Variants in GALNT10 observed in about 807,000 individuals in gnomAD.
GALNT10 encodes the protein polypeptide N-acetylgalactosaminyltransferase 10.
Under a neutral mutation model 75.0 loss-of-function variants are expected in GALNT10, and 41 were observed. That is an observed-to-expected ratio of 0.55 (90% CI 0.43 to 0.71). The LOEUF (loss-of-function observed/expected upper bound fraction) is 0.71, where lower values mean the gene tolerates loss of function less well. GALNT10 is among the 30% of genes least tolerant of loss of function. The pLI, the probability that GALNT10 is intolerant of heterozygous loss-of-function variation, is 0.00. For synonymous variants in GALNT10, 302 were observed against 313.0 expected, an observed-to-expected ratio of 0.96 and a Z score of 0.37; for missense variants, 727 against 818.5, an observed-to-expected ratio of 0.89 and a Z score of 1.36.
chr5:154,301,670 A>C (rs1754361752), intron 3 of GALNT10, among the ~76,000 whole-genome samples: 1 of 151,918 alleles, frequency 6.6e-6, no homozygotes, highest in Non-Finnish European at 1.5e-5. Flanking sequence ...CTGAGATTAC[A>C]GGCAAAACCT....
Position 154,376,454 on chromosome 5 carries a change from C to A in GALNT10, c.746C>A (p.Pro249His), listed in dbSNP as rs1297853224. ...HCEANVNWLP[P>H]LLDRIARNRK... ...GAAGCCAATGTCAACTGGCTTCCCCCCTTGCTTGGTAAGGGAGCCCCTCCC... is the reference window on the plus strand; with the variant it reads ...GAAGCCAATGTCAACTGGCTTCCCCACTTGCTTGGTAAGGGAGCCCCTCCC... Residue 249 changes from proline (P) to histidine (H), a missense_variant, in exon 5 of 12, where the codon CCC becomes CAC. Physicochemically the swap from Pro to His is moderately conservative, Grantham distance 77. Transcript: ENST00000297107. The surrounding 1 kb of genome is among the most constrained non-coding windows in gnomAD (Gnocchi z 4.1). The A allele has an allele frequency of 5.1e-6, 8 of 1,572,690 alleles. No individual in the cohort carries two copies. Among genetic ancestry groups the A allele is most frequent in the African/African-American group, 1.4e-5 (1 of 72,234 alleles).
chr5:154,317,418 T>C (rs913049309), intron 3 of GALNT10, among the ~76,000 whole-genome samples: 1 of 152,250 alleles, frequency 6.6e-6, no homozygotes, highest in African/African-American at 2.4e-5. Flanking sequence ...TATATGTCTC[T>C]GTGTCCCAAG....
In GALNT10 at chr5:154,292,941, G is replaced by C. The variant is rs974472842; in HGVS notation, c.160-1875G>C. Among the ~76,000 whole-genome samples, 6 of 152,076 alleles carry C rather than the reference G, an allele frequency of 3.9e-5. No homozygotes were observed. In the East Asian group the frequency reaches 9.6e-4, roughly 24 times the overall value. On this transcript the variant is annotated intron_variant, in intron 1 of 11. Transcript: ENST00000297107. ...CTTCTGTGATTTCTAAGAATGCTGAGAACTGTTGAAAGCATGCCGCCTTAG... is the reference window on the plus strand; with the variant it reads ...CTTCTGTGATTTCTAAGAATGCTGACAACTGTTGAAAGCATGCCGCCTTAG...
intron 4 of GALNT10, among the ~76,000 whole-genome samples, chr5:154,332,308 C>T (rs952488874): frequency 6.6e-6 from 1 of 152,174 alleles, no homozygotes; most frequent in Non-Finnish European, 1.5e-5. Flanking sequence ...TTCTCAGGGC[C>T]ACAGCAGTGG....
chr5:154,218,174 C>T (rs926646547), intron 1 of GALNT10: 34 of 977,948 alleles, frequency 3.5e-5, no homozygotes, highest in Admixed American at 1.2e-4. Flanking sequence ...TTCTAACAAG[C>T]CTGGGGCACC....
intron 1 of GALNT10, among the ~76,000 whole-genome samples, chr5:154,247,235 A>G (rs1408302174): frequency 6.6e-6 from 1 of 152,214 alleles, no homozygotes; most frequent in African/African-American, 2.4e-5. Context: ...GTTTGAAGTC[A>G]GGTAGCATGA....
intron 1 of GALNT10, among the ~76,000 whole-genome samples, chr5:154,204,437 G>A (rs970678703): frequency 6.6e-6 from 1 of 152,124 alleles, no homozygotes; most frequent in Non-Finnish European, 1.5e-5. Context: ...CATTTGCAAG[G>A]GTAAATCAGA....
In GALNT10 at chr5:154,192,493, TC is replaced by T. The variant is rs1038634147; in HGVS notation, c.159+1470del. On this transcript the variant is annotated intron_variant, in intron 1 of 11. Transcript: ENST00000297107. ...CAGTACCAGCATCAGAGTCAGGAGT[TC>T]CAGGGTTCTGACCTCAGCTCTACCA... Among the ~76,000 whole-genome samples, 22 of 152,372 alleles carry T rather than the reference TC, an allele frequency of 1.4e-4. 1 individual carries two copies. The East Asian group carries it at 1.7e-3, about 12-fold the overall frequency.
chr5:154,357,972 T>C (rs1281352746), intron 4 of GALNT10, among the ~76,000 whole-genome samples: 1 of 152,194 alleles, frequency 6.6e-6, no homozygotes, highest in African/African-American at 2.4e-5. Context: ...ATAAAATGAA[T>C]AGGGAAAGAA....
intron 4 of GALNT10, chr5:154,337,786 T>C: frequency 9.5e-7 from 1 of 1,053,740 alleles, no homozygotes; most frequent in Non-Finnish European, 1.5e-6. Flanking sequence ...TGACCAAAGT[T>C]GTCATTCCCA....
intron 1 of GALNT10, among the ~76,000 whole-genome samples, chr5:154,262,194 A>C (rs1261033927): frequency 6.6e-6 from 1 of 152,134 alleles, no homozygotes; most frequent in African/African-American, 2.4e-5. Flanking sequence ...TCTCATGTGC[A>C]TTCCTTTCTC....
At chr5:154,310,561 G>C (rs1754502381) in intron 3 of GALNT10, among the ~76,000 whole-genome samples, 1 of 151,908 alleles carries the variant, frequency 6.6e-6, no homozygotes, top group South Asian at 2.1e-4. Flanking sequence ...TCCACTTCCT[G>C]GGTTCAAGCA....
At chr5:154,263,286 A>G (rs1450111654) in intron 1 of GALNT10, among the ~76,000 whole-genome samples, 2 of 152,214 alleles carry the variant, frequency 1.3e-5, no homozygotes, top group Admixed American at 6.5e-5. Context: ...ATATGTGTAT[A>G]TATACCGACT....
chr5:154,190,941 G>T lies in GALNT10; in HGVS notation c.75G>T (p.Val25=). The T allele has an allele frequency of 6.6e-7, 1 of 1,509,564 alleles. No individual in the cohort carries two copies. Among genetic ancestry groups the T allele is most frequent in the Non-Finnish European group, 8.8e-7 (1 of 1,131,302 alleles). 93.5% of individuals were successfully genotyped at this position (1,509,564 alleles called of 1,614,324 possible). ...CGGCCCTGGTCCTCCTGCCCAACGT[G>T]GGGCTTTGGGCGCTGTACCGCGAGC... ...VLAALVLLPN[V]GLWALYRERQ... The change falls in exon 1 of 12, where the codon GTG becomes GTT. Residue 25 remains valine (V), a synonymous_variant. Coordinates refer to ENST00000297107, the MANE Select transcript of GALNT10 (RefSeq NM_198321.4).
intron 4 of GALNT10, among the ~76,000 whole-genome samples, chr5:154,333,946 G>A (rs77428983): frequency 3.3e-5 from 5 of 152,204 alleles, no homozygotes; most frequent in African/African-American, 1.2e-4. Flanking sequence ...AGCAGTGATT[G>A]TTTTAAAAAC....
chr5:154,297,845 C>T, intron 2 of GALNT10, 96 bp from the exon 3 acceptor site: 2 of 1,144,202 alleles, frequency 1.7e-6, no homozygotes, highest in Non-Finnish European at 1.3e-6. Context: ...CAAGTTTTAT[C>T]TTGGAGGTTT....
intron 4 of GALNT10, among the ~76,000 whole-genome samples, chr5:154,360,507 C>T (rs1755369118): frequency 1.3e-5 from 2 of 150,340 alleles, no homozygotes; most frequent in Admixed American, 1.3e-4. Context: ...ATAAGCAGAG[C>T]TCTAAGATGT....
intron 3 of GALNT10, among the ~76,000 whole-genome samples, chr5:154,321,414 C>T (rs2113107429): frequency 6.6e-6 from 1 of 152,100 alleles, no homozygotes; most frequent in Middle Eastern, 3.4e-3. Context: ...CTCAAATGAT[C>T]CTCCCACCTC....
chr5:154,397,673 A>G (rs946099932), intron 7 of GALNT10, among the ~76,000 whole-genome samples: 3 of 152,200 alleles, frequency 2.0e-5, no homozygotes, highest in African/African-American at 7.2e-5. Context: ...CTTTCCCCCA[A>G]ATGCAACTGA....
Sources: gnomAD v4.1 joint callset for allele counts (sites outside exome capture counted in the v4.1 genomes callset) on GRCh38, gnomAD v4.1.1 for gene constraint, Gnocchi (gnomAD v3.1) non-coding constraint, MANE v1.5 for transcripts, NCBI Gene and HGNC (gene_info 2026-07-23, HGNC 2026-07-21) for gene names.